The following USP36 variants were observed in gnomAD, a reference collection of about 807,000 sequenced individuals.
USP36 encodes the protein ubiquitin specific peptidase 36.
In USP36, 59 loss-of-function variants were observed where a neutral mutation model predicts 111.5. The observed-to-expected ratio is 0.53, with a 90% CI of 0.43 to 0.66. The LOEUF (loss-of-function observed/expected upper bound fraction) is 0.66, where lower values mean the gene tolerates loss of function less well. Among genes scored for constraint, USP36 ranks in the 30% least tolerant of loss-of-function variants. The pLI is 0.00. For synonymous variants in USP36, 628 were observed against 581.0 expected, an observed-to-expected ratio of 1.08 and a Z score of -1.16; for missense variants, 1,488 against 1,468.0, an observed-to-expected ratio of 1.01 and a Z score of -0.22.
chr17:78,837,633 T>C lies in USP36; in HGVS notation c.-10+954A>G, dbSNP rs574180659. 1.1e-4 allele frequency among the ~76,000 whole-genome samples: 17 copies of C among 152,200 alleles called. No individual in the cohort carries two copies. The South Asian group carries it at 3.3e-3, about 30-fold the overall frequency. ...CTACCTTTGTATCCACCACTTGCCCTCCCCTACCCACCACCTCTCAACTTA... is the reference window on the plus strand; with the variant it reads ...CTACCTTTGTATCCACCACTTGCCCCCCCCTACCCACCACCTCTCAACTTA... On this transcript the variant is annotated intron_variant, in intron 2 of 20. Coordinates refer to ENST00000449938, the MANE Select transcript of USP36 (RefSeq NM_001385174.1).
At position 78,803,776 on chromosome 17, in the gene USP36, T is replaced by TC. The variant is rs781309073; in HGVS notation, c.2418dup (p.Ser807GlufsTer4). The TC allele has an allele frequency of 8.7e-6, 14 of 1,612,532 alleles. No individual in the cohort carries two copies. The highest frequency in any genetic ancestry group is 1.1e-5 in the South Asian group (1 of 91,050). On this transcript the variant is annotated frameshift_variant, in exon 16 of 21. Coordinates refer to ENST00000449938, the MANE Select transcript of USP36 (RefSeq NM_001385174.1). LOFTEE classifies it high-confidence loss of function. The surrounding 1 kb of genome is among the most constrained non-coding windows in gnomAD (Gnocchi z 4.6). ...GTCTTTTTCCTCTTCTCAGAGGGGCTCTGGGGGGGCTCACTGGCCTCTGGC... is the reference window on the plus strand; with the variant it reads ...GTCTTTTTCCTCTTCTCAGAGGGGCTCCTGGGGGGGCTCACTGGCCTCTGGC...
In USP36 at chr17:78,795,927, T is replaced by C. The variant is rs984804355; in HGVS notation, c.*1973A>G. On this transcript the variant is annotated 3_prime_UTR_variant, in exon 21 of 21. Coordinates refer to ENST00000449938, the MANE Select transcript of USP36 (RefSeq NM_001385174.1). The surrounding 1 kb of genome is among the most constrained non-coding windows in gnomAD (Gnocchi z 4.5). ...ACTGCTATGACAAAGGCTTGGGTTA[T>C]TGACATTTACTTACATACGTGTACA... 89 of 152,364 alleles carry C rather than the reference T, an allele frequency of 5.8e-4. No individual in the cohort carries two copies. The highest frequency in any genetic ancestry group is 2.0e-3 in the African/African-American group (83 of 41,582). 9.4% of individuals were successfully genotyped at this position (152,364 alleles called of 1,614,324 possible). A position where few individuals can be genotyped will look rare whatever the true frequency, so the allele number is the denominator to read the frequency against.
intron 7 of USP36, 28 bp downstream of exon 7, chr17:78,821,909 A>G (rs2094339776): frequency 6.2e-7 from 1 of 1,612,786 alleles, no homozygotes; most frequent in South Asian, 1.1e-5. Flanking sequence ...TCCTGGCAAG[A>G]AGCAGTAGAA....
intron 18 of USP36, 60 bp downstream of exon 18, chr17:78,799,606 CT>C: frequency 6.6e-7 from 1 of 1,505,306 alleles, no homozygotes; most frequent in Non-Finnish European, 9.2e-7. Flanking sequence ...ATTCCACACC[CT>C]TCCCTCCTAC....
chr17:78,820,326 A>T (rs778681717), intron 8 of USP36, among the ~76,000 whole-genome samples: 32 of 152,160 alleles, frequency 2.1e-4, no homozygotes, highest in Non-Finnish European at 3.8e-4. Flanking sequence ...AAATTTAAAA[A>T]ATTAGCCAGG....
At chr17:78,819,003 C>A in intron 9 of USP36, 4 of 453,664 alleles carry the variant, frequency 8.8e-6, no homozygotes, top group Non-Finnish European at 1.6e-5. Flanking sequence ...GATTCTAAAG[C>A]AAAAAAATAA....
In USP36 at chr17:78,798,271, C is replaced by T; in HGVS notation, c.*20+129G>A. ...ACGCGCCCACACCACACACACCACC[C>T]AACACACATGTGCCAGATACACAGC... On this transcript the variant is annotated intron_variant, in intron 20 of 20. Coordinates refer to ENST00000449938, the MANE Select transcript of USP36 (RefSeq NM_001385174.1). This position sits in a 1 kb window ranked among gnomAD's most constrained non-coding sequence, Gnocchi z 5.1. 1.6e-6 allele frequency: 2 copies of T among 1,271,540 alleles called. No individual in the cohort carries two copies. Among genetic ancestry groups the T allele is most frequent in the Admixed American group, 4.8e-5 (2 of 41,612 alleles). The allele number at this position is 1,271,540 out of a possible 1,614,324, so 78.8% of individuals were successfully genotyped here. A position where few individuals can be genotyped will look rare whatever the true frequency, so the allele number is the denominator to read the frequency against.
chr17:78,811,862 C>T (rs374714211), intron 13 of USP36, among the ~76,000 whole-genome samples: 31 of 151,212 alleles, frequency 2.1e-4, no homozygotes, highest in African/African-American at 5.9e-4. Flanking sequence ...AATGAGACTC[C>T]GTCTCAAAGA....
intron 11 of USP36, among the ~76,000 whole-genome samples, chr17:78,814,182 G>A (rs1344331001): frequency 6.6e-6 from 1 of 152,110 alleles, no homozygotes; most frequent in African/African-American, 2.4e-5. Flanking sequence ...CACCAGAAGC[G>A]GCTGCCTCTT....
chr17:78,818,451 G>A (rs1236582307), intron 10 of USP36, among the ~76,000 whole-genome samples: 1 of 152,186 alleles, frequency 6.6e-6, no homozygotes, highest in Non-Finnish European at 1.5e-5. Context: ...TTTTTAAAAG[G>A]CGTCCCAGGT....
At position 78,816,790 on chromosome 17, in the gene USP36, T is replaced by C. The variant is rs191931947; in HGVS notation, c.1023+1877A>G. ...TTGTGCCCAGCCTAAATCATTTTTT[T>C]AAACTGAGTTGTGGGATTTGTTGAA... On this transcript the variant is annotated intron_variant, in intron 10 of 20. Coordinates refer to ENST00000449938, the MANE Select transcript of USP36 (RefSeq NM_001385174.1). Among the ~76,000 whole-genome samples, 781 of 152,330 alleles carry C rather than the reference T, an allele frequency of 5.1e-3. 4 individuals carry two copies. Among genetic ancestry groups the C allele is most frequent in the Admixed American group, 8.0e-3 (123 of 15,304 alleles).
chr17:78,812,846 A>G lies in USP36; in HGVS notation c.1407+14T>C. The G allele has an allele frequency of 6.2e-7, 1 of 1,612,590 alleles. No homozygotes were observed. The highest frequency in any genetic ancestry group is 1.1e-5 in the South Asian group (1 of 90,998). ...AAGACCAGCCACTTTGGCCTCCATCATTCTCACAAATACCTTTCCAGTCAG... is the reference window on the plus strand; with the variant it reads ...AAGACCAGCCACTTTGGCCTCCATCGTTCTCACAAATACCTTTCCAGTCAG... On this transcript the variant is annotated intron_variant, in intron 13 of 20. Coordinates refer to ENST00000449938, the MANE Select transcript of USP36 (RefSeq NM_001385174.1).
At chr17:78,805,235 C>T (rs985849914) in intron 15 of USP36, among the ~76,000 whole-genome samples, 4 of 152,130 alleles carry the variant, frequency 2.6e-5, no homozygotes, top group Non-Finnish European at 2.9e-5. Flanking sequence ...GCCAGCTGCA[C>T]GATGTTTGAT....
chr17:78,834,928 T>C (rs112162421), intron 4 of USP36, among the ~76,000 whole-genome samples: 20,925 of 150,956 alleles, frequency 0.14, 1,876 homozygotes, highest in Middle Eastern at 0.22. Flanking sequence ...CTACAACGAG[T>C]TGTGATGGAG....
Position 78,819,985 on chromosome 17 carries a change from C to A in USP36, c.856G>T (p.Glu286Ter), listed in dbSNP as rs1203209560. ...RQAANIVRALELFVKADVLSG... is the reference protein window; with the variant it reads ...RQAANIVRAL ...AGGACATCTGCTTTCACAAAAAGTT[C>A]CAGAGCACGCACAATATTCGCAGCT... Residue 286 changes from glutamate to a stop codon, truncating the protein, a stop_gained, in exon 9 of 21, where the codon GAA becomes TAA. Transcript: ENST00000449938. LOFTEE classifies it high-confidence loss of function. The A allele has an allele frequency of 1.9e-6, 3 of 1,613,996 alleles. No individual in the cohort carries two copies. Among genetic ancestry groups the A allele is most frequent in the Non-Finnish European group, 2.5e-6 (3 of 1,180,004 alleles).
chr17:78,832,696 G>T (rs1423094401), intron 4 of USP36, among the ~76,000 whole-genome samples: 1 of 152,216 alleles, frequency 6.6e-6, no homozygotes, highest in East Asian at 1.9e-4. Context: ...GCTCTACAGT[G>T]GAAGAGCCCT....
At chr17:78,816,066 A>T in intron 10 of USP36, among the ~76,000 whole-genome samples, 1 of 152,190 alleles carries the variant, frequency 6.6e-6, no homozygotes, top group East Asian at 1.9e-4. Context: ...GGCTGAGTGC[A>T]CCAGGACAGC....
In USP36 at chr17:78,798,428, G is replaced by A. The variant is rs760609215; in HGVS notation, c.3364C>T (p.Arg1122Cys). ...CTTCCACAGGGGCACAGTCAGCGGC[G>A]ATAGCTGAGGCTGGCAGCCTTTGCT... Reference protein sequence around the residue: ...HPAKAASLSYRR With the variant: ...HPAKAASLSYCR The change falls in exon 20 of 21, where the codon CGC becomes TGC. Residue 1122 changes from arginine to cysteine, a missense_variant. Coordinates refer to ENST00000449938, the MANE Select transcript of USP36 (RefSeq NM_001385174.1). The surrounding 1 kb of genome is among the most constrained non-coding windows in gnomAD (Gnocchi z 5.1). 6.2e-6 allele frequency: 10 copies of A among 1,614,018 alleles called. No individual in the cohort carries two copies. The highest frequency in any genetic ancestry group is 5.5e-5 in the South Asian group (5 of 91,088).
At chr17:78,811,380 T>A (rs998712591) in intron 13 of USP36, among the ~76,000 whole-genome samples, 1 of 152,218 alleles carries the variant, frequency 6.6e-6, no homozygotes, top group Admixed American at 6.5e-5. Context: ...TATATATGTA[T>A]GACTATGTAC....
Sources: allele counts gnomAD v4.1 joint callset (sites outside exome capture counted in the v4.1 genomes callset), GRCh38; gene constraint gnomAD v4.1.1; non-coding constraint Gnocchi (gnomAD v3.1); transcripts MANE v1.5; gene names NCBI Gene and HGNC (gene_info 2026-07-23, HGNC 2026-07-21).